The following FGR variants were observed in gnomAD, a reference collection of about 807,000 sequenced individuals.
FGR encodes the protein tyrosine-protein kinase Fgr.
Under a neutral mutation model 63.2 loss-of-function variants are expected in FGR, and 26 were observed. The ratio of observed to expected loss-of-function variants is 0.41; its 90% CI spans 0.30 to 0.57. The LOEUF (loss-of-function observed/expected upper bound fraction) is 0.57, where lower values mean the gene tolerates loss of function less well. Among genes scored for constraint, FGR ranks in the 20% least tolerant of loss-of-function variants. The probability of loss-of-function intolerance (pLI) is 0.27; values close to 1 mark genes in which losing one functional copy is unlikely to be tolerated. For synonymous variants in FGR, 286 were observed against 277.7 expected (o/e 1.03, Z -0.30); for missense variants, 511 against 690.8 (o/e 0.74, Z 2.92).
intron 1 of FGR, among the ~76,000 whole-genome samples, 173 bp downstream of exon 1, chr1:27,634,892 T>C (rs1385051928): frequency 6.6e-6 from 1 of 152,156 alleles, no homozygotes; most frequent in Non-Finnish European, 1.5e-5. Context: ...GTCGCCCGTT[T>C]TCCTCCTTAG....
chr1:27,614,390 T>C, intron 11 of FGR, 40 bp downstream of exon 11: 2 of 1,596,358 alleles, frequency 1.3e-6, no homozygotes, highest in South Asian at 2.2e-5. Context: ...AGTCCCTTGT[T>C]GCATGGGGAG....
intron 1 of FGR, among the ~76,000 whole-genome samples, chr1:27,629,499 AAG>A (rs59893915): frequency 6.6e-6 from 1 of 151,284 alleles, no homozygotes; most frequent in African/African-American, 2.4e-5. Context: ...GATGAAGAGA[AAG>A]AGAGAGAGAG....
chr1:27,615,700 T>C lies in FGR; in HGVS notation c.827A>G (p.Asp276Gly), dbSNP rs888952996. The part of the protein sequence containing the change: ...ERRLGTGCFG[D>G]VWLGTWNGST... Reference sequence around the variant, plus strand: ...CGGGAGCTCCGTACCCAGCCACACATCCCCGAAGCAGCCGGTGCCCAGCCG... The same window carrying C: ...CGGGAGCTCCGTACCCAGCCACACACCCCCGAAGCAGCCGGTGCCCAGCCG... Residue 276 changes from aspartate (D) to glycine (G), a missense_variant, in exon 8 of 13, where the codon GAT (aspartate) becomes GGT (glycine). Coordinates refer to ENST00000374005, the MANE Select transcript of FGR (RefSeq NM_005248.3). This position sits in a 1 kb window ranked among gnomAD's most constrained non-coding sequence, Gnocchi z 7.6. 6.2e-7 allele frequency: 1 copy of C among 1,602,270 alleles called. No homozygotes were observed. Among genetic ancestry groups the C allele is most frequent in the Non-Finnish European group, 8.5e-7 (1 of 1,171,736 alleles).
At chr1:27,614,113 T>C (rs949456917) in intron 11 of FGR, among the ~76,000 whole-genome samples, 4 of 152,204 alleles carry the variant, frequency 2.6e-5, no homozygotes, top group African/African-American at 9.7e-5. Context: ...TTACACGCCA[T>C]TGTCTTTCAT....
At chr1:27,621,689 C>T (rs2089930073) in intron 4 of FGR, 32 bp from the exon 5 acceptor site, 1 of 1,544,368 alleles carries the variant, frequency 6.5e-7, no homozygotes, top group African/African-American at 1.4e-5. Flanking sequence ...TGGTCAGCAG[C>T]ACCTCCAGCC....
chr1:27,615,734 G>A lies in FGR; in HGVS notation c.793C>T (p.Leu265=), dbSNP rs1446192290. 2 of 1,609,690 alleles carry A rather than the reference G, an allele frequency of 1.2e-6. No individual in the cohort carries two copies. The highest frequency in any genetic ancestry group is 1.7e-6 in the Non-Finnish European group (2 of 1,177,724). The change falls in exon 8 of 13, where the codon CTG becomes TTG. Residue 265 remains leucine, a synonymous_variant. Coordinates refer to ENST00000374005, the MANE Select transcript of FGR (RefSeq NM_005248.3). This position sits in a 1 kb window ranked among gnomAD's most constrained non-coding sequence, Gnocchi z 7.6. Reference sequence around the variant, plus strand: ...CAGCCGGTGCCCAGCCGGCGCTCCAGCGTGATGGAGCTGCGGCTGATCTCC... The same window carrying A: ...CAGCCGGTGCCCAGCCGGCGCTCCAACGTGATGGAGCTGCGGCTGATCTCC... The part of the protein sequence containing the change: ...AWEISRSSIT[L]ERRLGTGCFG...
At chr1:27,622,997 C>T (rs765728953) in intron 4 of FGR, 45 bp downstream of exon 4, 2 of 1,398,064 alleles carry the variant, frequency 1.4e-6, no homozygotes, top group Non-Finnish European at 2.0e-6. Context: ...CTGTGTCCTG[C>T]TCCCAGCCCA....
Position 27,616,808 on chromosome 1 carries a change from G to T in FGR, c.682+49C>A, listed in dbSNP as rs765367323. 1.9e-6 allele frequency: 3 copies of T among 1,594,926 alleles called. No individual in the cohort carries two copies. Among genetic ancestry groups the T allele is most frequent in the Non-Finnish European group, 2.6e-6 (3 of 1,162,986 alleles). On this transcript the variant is annotated intron_variant, in intron 7 of 12. Coordinates refer to ENST00000374005, the MANE Select transcript of FGR (RefSeq NM_005248.3). The surrounding 1 kb of genome is among the most constrained non-coding windows in gnomAD (Gnocchi z 4.3). Reference sequence around the variant, plus strand: ...CTCTGGGCCTCAGTTCCCCCATCTGGACAATGCTTCAGTTGGTTGGTTCAG... The same window carrying T: ...CTCTGGGCCTCAGTTCCCCCATCTGTACAATGCTTCAGTTGGTTGGTTCAG...
rs1238314699 is a variant in FGR at position 27,613,037 on chromosome 1, C to T, written c.1467G>A (p.Glu489=). ...CPPGCPASLY[E]AMEQTWRLDP... is the part of the protein sequence containing the mutation. Reference sequence around the variant, plus strand: ...CCAGACGCCAGGTCTGTTCCATGGCCTCGTACAGGGATGCTGGGCAGCCTG... The same window carrying T: ...CCAGACGCCAGGTCTGTTCCATGGCTTCGTACAGGGATGCTGGGCAGCCTG... Residue 489 remains glutamate (E), a synonymous_variant, in exon 13 of 13, where the codon GAG becomes GAA. Transcript: ENST00000374005. 2 of 1,614,196 alleles carry T rather than the reference C, an allele frequency of 1.2e-6. No homozygotes were observed. The highest frequency in any genetic ancestry group is 2.2e-5 in the East Asian group (1 of 44,884).
rs2089824997 is a variant in FGR at position 27,616,980 on chromosome 1, A to G, written c.559T>C (p.Trp187Arg). 1 of 1,614,142 alleles carries G rather than the reference A, an allele frequency of 6.2e-7. No homozygotes were observed. Among genetic ancestry groups the G allele is most frequent in the Non-Finnish European group, 8.5e-7 (1 of 1,179,994 alleles). ...KGAYSLSIRD[W>R]DQTRGDHVKH... ...ACATGATCGCCTCTGGTCTGATCCC[A>G]GTCCCGGATGGACAGGGAGTAGGCA... is the stretch of plus-strand genomic sequence containing the variant. The change falls in exon 7 of 13, where the codon TGG (tryptophan) becomes CGG (arginine). Residue 187 changes from tryptophan (W) to arginine (R), a missense_variant. Transcript: ENST00000374005. This position sits in a 1 kb window ranked among gnomAD's most constrained non-coding sequence, Gnocchi z 4.3.
At chr1:27,619,556 T>C (rs894878848) in intron 5 of FGR, among the ~76,000 whole-genome samples, 5 of 152,258 alleles carry the variant, frequency 3.3e-5, no homozygotes, top group Non-Finnish European at 5.9e-5. Context: ...CCTAGCCCGT[T>C]GTGCCCTCTG....
chr1:27,625,570 TA>T (rs2090007624), intron 1 of FGR, among the ~76,000 whole-genome samples: 1 of 152,116 alleles, frequency 6.6e-6, no homozygotes, highest in African/African-American at 2.4e-5. Context: ...TTTTGAACAT[TA>T]TAATCATCTC....
intron 1 of FGR, among the ~76,000 whole-genome samples, chr1:27,630,091 T>C (rs1281175315): frequency 6.6e-6 from 1 of 152,164 alleles, no homozygotes; most frequent in East Asian, 1.9e-4. Flanking sequence ...CTCACTCTGT[T>C]GCCCAGGCTG....
rs1343617893 is a variant in FGR at position 27,623,835 on chromosome 1, A to G, written c.82T>C (p.Tyr28His). Reference sequence around the variant, plus strand: ...GGCCCATAGTGGTCTGCTGCCCCGTAGCTTCTGAAGTCCCCTTCCAGGCCA... The same window carrying G: ...GGCCCATAGTGGTCTGCTGCCCCGTGGCTTCTGAAGTCCCCTTCCAGGCCA... ...DAGLEGDFRS[Y>H]GAADHYGPDP... is the part of the protein sequence containing the mutation. The change falls in exon 3 of 13, where the codon TAC becomes CAC. Residue 28 changes from tyrosine to histidine, a missense_variant. Coordinates refer to ENST00000374005, the MANE Select transcript of FGR (RefSeq NM_005248.3). 4 of 1,613,870 alleles carry G rather than the reference A, an allele frequency of 2.5e-6. No homozygotes were observed. Among genetic ancestry groups the G allele is most frequent in the Non-Finnish European group, 2.5e-6 (3 of 1,179,864 alleles).
chr1:27,615,613 C>T lies in FGR; in HGVS notation c.839G>A (p.Gly280Asp). ...CACCTTAGTGCTGCCGTTCCACGTG[C>T]CTGCTCGGAGGCTGTCTTGTCAGGA... is the stretch of plus-strand genomic sequence containing the variant. ...GTGCFGDVWLGTWNGSTKVAV... is the reference protein window; with the variant it reads ...GTGCFGDVWLDTWNGSTKVAV... The change falls in exon 9 of 13, where the codon GGC (glycine) becomes GAC (aspartate). Residue 280 changes from glycine (G) to aspartate (D), a missense_variant and splice_region_variant. Coordinates refer to ENST00000374005, the MANE Select transcript of FGR (RefSeq NM_005248.3). This position sits in a 1 kb window ranked among gnomAD's most constrained non-coding sequence, Gnocchi z 7.6. 1.2e-6 allele frequency: 2 copies of T among 1,605,804 alleles called. No individual in the cohort carries two copies. Among genetic ancestry groups the T allele is most frequent in the Non-Finnish European group, 1.7e-6 (2 of 1,173,214 alleles).
rs1043717046 is a variant in FGR, at chr1:27,617,834, G to A, written c.429-538C>T. On this transcript the variant is annotated intron_variant, in intron 5 of 12. Coordinates refer to ENST00000374005, the MANE Select transcript of FGR (RefSeq NM_005248.3). The surrounding 1 kb of genome is among the most constrained non-coding windows in gnomAD (Gnocchi z 4.5). ...TCTTCTCTCTGGCTGCTCCCGCCCC[G>A]GCTACTGCTCTTCCTGCACTCTCTT... Among the ~76,000 whole-genome samples the A allele has an allele frequency of 5.3e-5, 8 of 152,100 alleles. No individual in the cohort carries two copies. The highest frequency in any genetic ancestry group is 1.7e-4 in the African/African-American group (7 of 41,418).
intron 3 of FGR, 44 bp from the exon 4 acceptor site, chr1:27,623,188 A>G (rs749416453): frequency 2.8e-6 from 4 of 1,452,760 alleles, no homozygotes; most frequent in Non-Finnish European, 1.9e-6. Context: ...ATGGGGCAGA[A>G]GCACCAAGGG....
chr1:27,625,578 T>C (rs1490554839), intron 1 of FGR, among the ~76,000 whole-genome samples: 1 of 152,110 alleles, frequency 6.6e-6, no homozygotes, highest in Non-Finnish European at 1.5e-5. Flanking sequence ...ATTATAATCA[T>C]CTCTCTAACA....
intron 11 of FGR, among the ~76,000 whole-genome samples, chr1:27,614,069 A>G (rs978302400): frequency 6.6e-6 from 1 of 152,216 alleles, no homozygotes; most frequent in Admixed American, 6.5e-5. Flanking sequence ...GCTGGGATTC[A>G]TACTCAGGCA....
Sources: allele counts gnomAD v4.1 joint callset (sites outside exome capture counted in the v4.1 genomes callset), GRCh38; gene constraint gnomAD v4.1.1; non-coding constraint Gnocchi (gnomAD v3.1); transcripts MANE v1.5; gene names NCBI Gene and HGNC (gene_info 2026-07-23, HGNC 2026-07-21).